RBM45: variants seen among roughly 807,000 people sequenced by gnomAD.
RBM45 encodes RNA-binding protein 45.
In RBM45, 39 loss-of-function variants were observed where a neutral mutation model predicts 58.5. The ratio of observed to expected loss-of-function variants is 0.67; its 90% CI spans 0.52 to 0.87. The LOEUF is 0.87. Among genes scored for constraint, RBM45 ranks in the 40% least tolerant of loss-of-function variants. The pLI is 0.00. For synonymous variants in RBM45, 193 were observed against 203.0 expected (o/e 0.95, Z 0.42); for missense variants, 481 against 581.6 (o/e 0.83, Z 1.78).
At chr2:178,132,584 G>T (rs1335901805), downstream of RBM45, among the ~76,000 whole-genome samples, 1 of 150,490 alleles carries the variant, frequency 6.6e-6, no homozygotes, top group Non-Finnish European at 1.5e-5. Flanking sequence ...GTTCTTTTTT[G>T]TTTGTTTGTT....
chr2:178,115,320 T>C (rs2105898451), intron 1 of RBM45, among the ~76,000 whole-genome samples: 1 of 152,354 alleles, frequency 6.6e-6, no homozygotes, highest in South Asian at 2.1e-4. Flanking sequence ...CTCTAAAATA[T>C]AGAAATCTGT....
At chr2:178,113,275 G>A (rs2087729495) in intron 1 of RBM45, among the ~76,000 whole-genome samples, 1 of 151,518 alleles carries the variant, frequency 6.6e-6, no homozygotes, top group Admixed American at 6.6e-5. Context: ...CTTTTCCTCA[G>A]GTACAGATGA....
intron 4 of RBM45, 82 bp from the exon 5 acceptor site, chr2:178,121,098 C>CT: frequency 1.5e-6 from 1 of 687,632 alleles, no homozygotes. Context: ...ACAATGGACT[C>CT]TGTTTTCTAG....
At chr2:178,134,865 G>C (rs185648676) in intron 3 of RBM45, among the ~76,000 whole-genome samples, 3 of 151,352 alleles carry the variant, frequency 2.0e-5, no homozygotes, top group East Asian at 4.0e-4. Context: ...GCAGTCACCT[G>C]TAATCCCAGC....
At chr2:178,121,435 C>G in intron 5 of RBM45, 76 bp downstream of exon 5, 1 of 687,334 alleles carries the variant, frequency 1.5e-6, no homozygotes, top group Non-Finnish European at 2.1e-6. Flanking sequence ...CACACACACA[C>G]ACACACACAG....
chr2:178,114,528 C>T (rs2087746621), intron 1 of RBM45, among the ~76,000 whole-genome samples: 1 of 152,164 alleles, frequency 6.6e-6, no homozygotes, highest in South Asian at 2.1e-4. Context: ...ACATTTTTGA[C>T]TATTCAGTTT....
intron 1 of RBM45, among the ~76,000 whole-genome samples, chr2:178,115,018 AG>A (rs147122493): frequency 0.062 from 9,384 of 152,282 alleles, 422 homozygotes; most frequent in Middle Eastern, 0.16. Flanking sequence ...AAAGTTTCAG[AG>A]GATCTGTAAG....
chr2:178,123,681 C>T (rs553611870), intron 6 of RBM45, 30 bp downstream of exon 6: 34 of 1,587,530 alleles, frequency 2.1e-5, no homozygotes, highest in East Asian at 4.5e-5. Flanking sequence ...TGTCTAAAGC[C>T]GAGCTTTGAG....
In RBM45 at chr2:178,112,560, G is replaced by T. The variant is rs371141654; in HGVS notation, c.14G>T (p.Gly5Val). The T allele has an allele frequency of 6.2e-7, 1 of 1,613,300 alleles. No individual in the cohort carries two copies. The highest frequency in any genetic ancestry group is 8.5e-7 in the Non-Finnish European group (1 of 1,179,806). The change falls in exon 1 of 10, where the codon GGC becomes GTC. Residue 5 changes from glycine to valine, a missense_variant. Transcript: ENST00000286070. MDEA[G>V]SSASGGGFRP... ...GGGTGGAGCACCATGGACGAAGCTG[G>T]CAGCTCTGCGAGCGGCGGGGGCTTC... is the stretch of plus-strand genomic sequence containing the variant.
At chr2:178,128,126 C>A (rs1340558261) in intron 9 of RBM45, among the ~76,000 whole-genome samples, 4 of 151,320 alleles carry the variant, frequency 2.6e-5, no homozygotes, top group Non-Finnish European at 5.9e-5. Flanking sequence ...ACAGCTCAGC[C>A]TTGCAAGTAG....
At chr2:178,121,099 T>C in intron 4 of RBM45, 81 bp from the exon 5 acceptor site, 3 of 691,628 alleles carry the variant, frequency 4.3e-6, no homozygotes, top group Admixed American at 3.1e-5. Context: ...CAATGGACTC[T>C]GTTTTCTAGT....
At chr2:178,120,498 A>G (rs1168855958) in intron 4 of RBM45, 89 bp downstream of exon 4, 1 of 1,193,180 alleles carries the variant, frequency 8.4e-7, no homozygotes, top group Non-Finnish European at 1.1e-6. Context: ...TTGGGCATCT[A>G]TAAATTTCAC....
intron 1 of RBM45, among the ~76,000 whole-genome samples, chr2:178,116,034 C>A (rs2087769913): frequency 6.6e-6 from 1 of 151,832 alleles, no homozygotes; most frequent in Admixed American, 6.6e-5. Context: ...TGCCTGTGGT[C>A]CCAGCTACTT....
intron 9 of RBM45, 91 bp from the exon 10 acceptor site, chr2:178,129,305 GA>G (rs1249546176): frequency 6.6e-6 from 1 of 152,226 alleles, no homozygotes; most frequent in Non-Finnish European, 1.5e-5. Flanking sequence ...TGAAATAAAG[GA>G]ACAATTCCTA....
chr2:178,116,932 C>T (rs1272228348), intron 2 of RBM45, among the ~76,000 whole-genome samples: 2 of 151,636 alleles, frequency 1.3e-5, no homozygotes, highest in Non-Finnish European at 2.9e-5. Flanking sequence ...TAAAATTGGG[C>T]CTTTGAAGGA....
chr2:178,117,785 C>A (rs991623604), intron 2 of RBM45, among the ~76,000 whole-genome samples: 2 of 152,166 alleles, frequency 1.3e-5, no homozygotes, highest in African/African-American at 4.8e-5. Context: ...TGGCTCTTAA[C>A]CACTGTTGAG....
At chr2:178,136,181 G>T (rs920317878) in intron 3 of RBM45, among the ~76,000 whole-genome samples, 1 of 152,136 alleles carries the variant, frequency 6.6e-6, no homozygotes, top group Non-Finnish European at 1.5e-5. Flanking sequence ...GTGGTGGCGG[G>T]CGCCTGTAGT....
chr2:178,114,637 A>G (rs1017365917), intron 1 of RBM45, among the ~76,000 whole-genome samples: 1 of 152,120 alleles, frequency 6.6e-6, no homozygotes, highest in Non-Finnish European at 1.5e-5. Flanking sequence ...CACCCAGGCT[A>G]GAGTGCAGTG....
chr2:178,116,227 A>G (rs2087774708), intron 1 of RBM45, 35 bp from the exon 2 acceptor site: 1 of 1,536,564 alleles, frequency 6.5e-7, no homozygotes, highest in Admixed American at 2.3e-5. Flanking sequence ...AATAGTTGAC[A>G]TTATTTTATT....
Sources: gnomAD v4.1 joint callset for allele counts (sites outside exome capture counted in the v4.1 genomes callset) on GRCh38, gnomAD v4.1.1 for gene constraint, MANE v1.5 for transcripts, NCBI Gene and HGNC (gene_info 2026-07-23, HGNC 2026-07-21) for gene names.